Variants in A1CF observed in about 807,000 individuals in gnomAD.
A1CF encodes the protein APOBEC1 complementation factor.
A neutral mutation model predicts 68.9 loss-of-function variants in A1CF; 48 were observed. The observed-to-expected ratio is 0.70, with a 90% CI of 0.55 to 0.89. The LOEUF (loss-of-function observed/expected upper bound fraction) is 0.89, where lower values mean the gene tolerates loss of function less well. A1CF is among the 40% of genes least tolerant of loss of function. The pLI, the probability that A1CF is intolerant of heterozygous loss-of-function variation, is 0.00. For missense variants in A1CF, 653 were observed against 718.9 expected (o/e 0.91, Z 1.05); for synonymous variants, 272 against 260.4 (o/e 1.04, Z -0.43).
At chr10:50,851,146 T>C (rs759354169) in intron 3 of A1CF, among the ~76,000 whole-genome samples, 2 of 152,216 alleles carry the variant, frequency 1.3e-5, no homozygotes, top group Non-Finnish European at 2.9e-5. Context: ...TACAACACTC[T>C]TGTGAATTTT....
intron 6 of A1CF, among the ~76,000 whole-genome samples, chr10:50,832,148 G>T (rs928039371): frequency 6.6e-6 from 1 of 152,154 alleles, no homozygotes; most frequent in Non-Finnish European, 1.5e-5. Flanking sequence ...CAATTACCAT[G>T]GTATGGAATC....
rs1442449327 is a variant in A1CF, at chr10:50,806,736, G to A, written c.1754C>T (p.Thr585Ile). The A allele has an allele frequency of 3.1e-6, 5 of 1,599,278 alleles. No individual in the cohort carries two copies. The highest frequency in any genetic ancestry group is 2.2e-5 in the East Asian group (1 of 44,630). ...AAATTTAAAAAAGCATCTTCAGAAG[G>A]TGCCATATCCATCCCCTCGGGCAGT... is the stretch of plus-strand genomic sequence containing the variant. ...AVTARGDGYG[T>I]F Residue 585 changes from threonine to isoleucine, a missense_variant, in exon 13 of 13, where the codon ACC becomes ATC. Physicochemically the swap from Thr to Ile is moderately conservative, Grantham distance 89 (BLOSUM62 -1). Transcript: ENST00000373997.
rs559780104 is a variant in A1CF, at chr10:50,801,666, A to G, written c.*5063T>C. 17 of 152,234 alleles carry G rather than the reference A, an allele frequency of 1.1e-4. No homozygotes were observed. Among genetic ancestry groups the G allele is most frequent in the Non-Finnish European group, 2.5e-4 (17 of 68,040 alleles). The allele number at this position is 152,234 out of a possible 1,614,324, so 9.4% of individuals were successfully genotyped here. On this transcript the variant is annotated 3_prime_UTR_variant, in exon 13 of 13. Transcript: ENST00000373997. ...TATCTCCTATTCCCTTAGACAAAGT[A>G]TCATTTGTGGAAAGAGAACAAGCTG...
chr10:50,817,279 A>G (rs1838416592), intron 8 of A1CF, among the ~76,000 whole-genome samples: 1 of 152,206 alleles, frequency 6.6e-6, no homozygotes, highest in South Asian at 2.1e-4. Flanking sequence ...TGTTTTATAT[A>G]AAGAACACTT....
intron 1 of A1CF, among the ~76,000 whole-genome samples, chr10:50,874,585 C>T (rs1841419655): frequency 6.6e-6 from 1 of 152,184 alleles, no homozygotes; most frequent in Admixed American, 6.5e-5. Flanking sequence ...TAAATTTTAG[C>T]AAATAATATT....
intron 1 of A1CF, among the ~76,000 whole-genome samples, chr10:50,879,719 C>T (rs1486222300): frequency 6.6e-6 from 1 of 152,194 alleles, no homozygotes; most frequent in African/African-American, 2.4e-5. Flanking sequence ...ATAATCCTAT[C>T]ACTTCTCACC....
intron 6 of A1CF, among the ~76,000 whole-genome samples, chr10:50,831,564 A>T (rs1162787256): frequency 6.6e-6 from 1 of 152,148 alleles, no homozygotes; most frequent in Non-Finnish European, 1.5e-5. Flanking sequence ...CCCCATCTCT[A>T]CTAAAAATAC....
rs897029420 is a variant in A1CF at position 50,872,095 on chromosome 10, T to G, written c.-93-8015A>C. Among the ~76,000 whole-genome samples the G allele has an allele frequency of 1.6e-4, 25 of 151,920 alleles. 1 individual carries two copies. The highest frequency in any genetic ancestry group is 1.6e-3 in the Admixed American group (25 of 15,244). On this transcript the variant is annotated intron_variant, in intron 1 of 12. Transcript: ENST00000373997. ...GGACAAATGAGCAAAGGAAATGAAC[T>G]GTCAATTTAAAGAAATCAAAATAGC...
intron 6 of A1CF, among the ~76,000 whole-genome samples, chr10:50,831,450 C>T (rs773002462): frequency 2.2e-4 from 34 of 152,092 alleles, no homozygotes; most frequent in African/African-American, 3.9e-4. Context: ...GGCAAAAGGC[C>T]GGGCGTGGTG....
chr10:50,800,262 C>A lies in A1CF; in HGVS notation c.*6467G>T, dbSNP rs1232929080. The A allele has an allele frequency of 6.6e-6, 1 of 152,110 alleles. No homozygotes were observed. Among genetic ancestry groups the A allele is most frequent in the African/African-American group, 2.4e-5 (1 of 41,430 alleles). 9.4% of individuals were successfully genotyped at this position (152,110 alleles called of 1,614,324 possible). On this transcript the variant is annotated 3_prime_UTR_variant, in exon 13 of 13. Transcript: ENST00000373997. Reference sequence around the variant, plus strand: ...ATTCTCCTTCTGGACCTCTAACTAACCTTTTTCTCCTTCTATTTTTGCATA... The same window carrying A: ...ATTCTCCTTCTGGACCTCTAACTAAACTTTTTCTCCTTCTATTTTTGCATA...
chr10:50,858,626 T>C (rs1162311041), intron 3 of A1CF, among the ~76,000 whole-genome samples: 1 of 152,156 alleles, frequency 6.6e-6, no homozygotes, highest in Non-Finnish European at 1.5e-5. Context: ...CTATTTCTAC[T>C]GTCTTTGCAC....
At chr10:50,832,715 T>C (rs896345633) in intron 6 of A1CF, among the ~76,000 whole-genome samples, 7 of 152,194 alleles carry the variant, frequency 4.6e-5, no homozygotes, top group African/African-American at 1.7e-4. Flanking sequence ...CTACTATTGT[T>C]GTGAGGTCAG....
At chr10:50,832,615 T>C (rs1839302585) in intron 6 of A1CF, among the ~76,000 whole-genome samples, 1 of 152,180 alleles carries the variant, frequency 6.6e-6, no homozygotes, top group African/African-American at 2.4e-5. Flanking sequence ...TTTGAGAGCA[T>C]GAGCTAGAAG....
chr10:50,867,797 C>T (rs936156672), intron 1 of A1CF, among the ~76,000 whole-genome samples: 13 of 152,094 alleles, frequency 8.5e-5, no homozygotes, highest in East Asian at 3.8e-4. Context: ...TAATTATCCT[C>T]GACTTTAACA....
At chr10:50,879,173 T>G (rs6479768) in intron 1 of A1CF, among the ~76,000 whole-genome samples, 123,543 of 152,148 alleles carry the variant, frequency 0.81, 50,413 homozygotes, top group East Asian at 0.91. Flanking sequence ...GAGCTGCTAT[T>G]TGGGAGCATC....
At position 50,809,973 on chromosome 10, in the gene A1CF, G is replaced by C; in HGVS notation, c.1530C>G (p.Thr510=). 6.2e-7 allele frequency: 1 copy of C among 1,614,030 alleles called. No homozygotes were observed. The highest frequency in any genetic ancestry group is 8.5e-7 in the Non-Finnish European group (1 of 1,179,936). Residue 510 remains threonine (T), a synonymous_variant, in exon 12 of 13, where the codon ACC becomes ACG. Transcript: ENST00000373997. ...CAGTGGGGATGCCCAGGGTCTGCAG[G>C]GTGTATTCGGCTGCATACGTCTTTG... ...DEAKTYAAEY[T]LQTLGIPTDG...
At chr10:50,827,365 T>C (rs1391275412) in intron 7 of A1CF, among the ~76,000 whole-genome samples, 1 of 152,164 alleles carries the variant, frequency 6.6e-6, no homozygotes, top group African/African-American at 2.4e-5. Flanking sequence ...TATTCCAAAA[T>C]TGACCACATA....
chr10:50,804,583 G>T lies in A1CF; in HGVS notation c.*2146C>A, dbSNP rs1019292048. 6.6e-6 allele frequency: 1 copy of T among 152,148 alleles called. No homozygotes were observed. Among genetic ancestry groups the T allele is most frequent in the Admixed American group, 6.5e-5 (1 of 15,270 alleles). 9.4% of individuals were successfully genotyped at this position (152,148 alleles called of 1,614,324 possible). A position where few individuals can be genotyped will look rare whatever the true frequency, so the allele number is the denominator to read the frequency against. On this transcript the variant is annotated 3_prime_UTR_variant, in exon 13 of 13. Transcript: ENST00000373997. ...AGAATAAAAGCAGATCTGTAGGGGAGTGTAAATTTGGATCTAAGAATTGTT... is the reference window on the plus strand; with the variant it reads ...AGAATAAAAGCAGATCTGTAGGGGATTGTAAATTTGGATCTAAGAATTGTT...
intron 3 of A1CF, among the ~76,000 whole-genome samples, chr10:50,851,471 T>C (rs536214926): frequency 1.3e-5 from 2 of 152,348 alleles, no homozygotes; most frequent in South Asian, 4.1e-4. Context: ...ATTCACTTTG[T>C]TACTTAAATA....
Sources: allele counts gnomAD v4.1 joint callset (sites outside exome capture counted in the v4.1 genomes callset), GRCh38; gene constraint gnomAD v4.1.1; transcripts MANE v1.5; gene names NCBI Gene and HGNC (gene_info 2026-07-23, HGNC 2026-07-21).